The following BPNT2 variants were observed in gnomAD, a reference collection of about 807,000 sequenced individuals.
The protein encoded by BPNT2 is 3'(2'), 5'-bisphosphate nucleotidase 2.
In BPNT2, 11 loss-of-function variants were observed where a neutral mutation model predicts 29.3. That is an observed-to-expected ratio of 0.38 (90% CI 0.24 to 0.62). The LOEUF (loss-of-function observed/expected upper bound fraction) is 0.62, where lower values mean the gene tolerates loss of function less well. BPNT2 is among the 20% of genes least tolerant of loss of function. The probability of loss-of-function intolerance (pLI) is 0.62; values close to 1 mark genes in which losing one functional copy is unlikely to be tolerated. For missense variants in BPNT2, 459 were observed against 473.4 expected (o/e 0.97, Z 0.28); for synonymous variants, 195 against 187.7 (o/e 1.04, Z -0.32).
intron 1 of BPNT2, among the ~76,000 whole-genome samples, chr8:56,984,480 C>T (rs552603539): frequency 1.3e-5 from 2 of 152,268 alleles, no homozygotes; most frequent in East Asian, 3.9e-4. Context: ...AATTCTACCT[C>T]CCAATTCTAA....
intron 3 of BPNT2, 151 bp downstream of exon 3, chr8:56,977,898 TG>T: frequency 1.6e-6 from 1 of 645,006 alleles, no homozygotes; most frequent in East Asian, 2.7e-5. Context: ...ACTACATTTT[TG>T]TTGTTTAAGA....
intron 3 of BPNT2, among the ~76,000 whole-genome samples, chr8:56,976,706 G>A (rs80024985): frequency 0.014 from 2,059 of 152,200 alleles, 69 homozygotes; most frequent in African/African-American, 0.047. Flanking sequence ...TAATTTTAGA[G>A]TAATCAAAAA....
rs1805801312 is a variant in BPNT2 at position 56,959,886 on chromosome 8, T to A, written c.*3907A>T. On this transcript the variant is annotated 3_prime_UTR_variant, in exon 5 of 5. Coordinates refer to ENST00000262644, the MANE Select transcript of BPNT2 (RefSeq NM_017813.5). ...CTACTAAAAAGGTTGTTTTCCCTTA[T>A]TAACATACAATGCCCTATTGTTAAG... is the stretch of plus-strand genomic sequence containing the variant. 1 of 152,214 alleles carries A rather than the reference T, an allele frequency of 6.6e-6. No individual in the cohort carries two copies. The highest frequency in any genetic ancestry group is 1.5e-5 in the Non-Finnish European group (1 of 68,036). 9.4% of individuals were successfully genotyped at this position (152,214 alleles called of 1,614,324 possible).
At chr8:56,965,307 A>C (rs1805922613) in intron 4 of BPNT2, among the ~76,000 whole-genome samples, 1 of 152,228 alleles carries the variant, frequency 6.6e-6, no homozygotes, top group Admixed American at 6.5e-5. Flanking sequence ...AGACAGAATG[A>C]GACCCTATCT....
chr8:56,980,793 A>T (rs1010160647), intron 1 of BPNT2, among the ~76,000 whole-genome samples: 10 of 139,932 alleles, frequency 7.1e-5, no homozygotes, highest in Non-Finnish European at 1.1e-4. Context: ...TTCTCTCCTT[A>T]CCCCACACCC....
At position 56,963,672 on chromosome 8, in the gene BPNT2, A is replaced by G; in HGVS notation, c.*121T>C. ...AAAATAAGTCTCTGATGCTTCATAA[A>G]TACTTTAAAAAGTTCGGGATGGCCT... On this transcript the variant is annotated 3_prime_UTR_variant, in exon 5 of 5. Coordinates refer to ENST00000262644, the MANE Select transcript of BPNT2 (RefSeq NM_017813.5). The G allele has an allele frequency of 9.0e-7, 1 of 1,107,800 alleles. No homozygotes were observed. The highest frequency in any genetic ancestry group is 1.4e-6 in the Non-Finnish European group (1 of 739,866). The allele number at this position is 1,107,800 out of a possible 1,614,324, so 68.6% of individuals were successfully genotyped here.
intron 1 of BPNT2, 138 bp downstream of exon 1, chr8:56,993,060 CT>C (rs1295306254): frequency 1.3e-6 from 2 of 1,510,896 alleles, no homozygotes; most frequent in Non-Finnish European, 1.8e-6. Flanking sequence ...TCTGTCTGAC[CT>C]TGTGCACGTT....
chr8:56,993,164 C>G, intron 1 of BPNT2, 35 bp downstream of exon 1: 1 of 1,576,700 alleles, frequency 6.3e-7, no homozygotes, highest in South Asian at 1.1e-5. Context: ...ACGCGCTACC[C>G]GGCTCGAGTG....
chr8:56,968,312 T>G (rs536940717), intron 3 of BPNT2, among the ~76,000 whole-genome samples: 75 of 144,160 alleles, frequency 5.2e-4, no homozygotes, highest in African/African-American at 1.9e-3. Context: ...TCCAAAAGTA[T>G]AGCAAGCAAT....
rs111904807 is a variant in BPNT2 at position 56,979,942 on chromosome 8, G to C, written c.550+93C>G. On this transcript the variant is annotated intron_variant, in intron 2 of 4. Coordinates refer to ENST00000262644, the MANE Select transcript of BPNT2 (RefSeq NM_017813.5). ...AAAATGCTTCTTTACTGAACAATCAGTGAGCCACTATCACCTATAGGAAGT... is the reference window on the plus strand; with the variant it reads ...AAAATGCTTCTTTACTGAACAATCACTGAGCCACTATCACCTATAGGAAGT... The C allele has an allele frequency of 3.8e-3, 4,439 of 1,170,026 alleles. 11 individuals are homozygous for C. The highest frequency in any genetic ancestry group is 5.1e-3 in the Non-Finnish European group (3,960 of 784,096). The allele number at this position is 1,170,026 out of a possible 1,614,324, so 72.5% of individuals were successfully genotyped here. A position where few individuals can be genotyped will look rare whatever the true frequency, so the allele number is the denominator to read the frequency against.
Position 56,963,930 on chromosome 8 carries a change from T to G in BPNT2, c.943A>C (p.Met315Leu). 1 of 1,614,144 alleles carries G rather than the reference T, an allele frequency of 6.2e-7. No homozygotes were observed. The highest frequency in any genetic ancestry group is 8.5e-7 in the Non-Finnish European group (1 of 1,180,004). Residue 315 changes from methionine to leucine, a missense_variant, in exon 5 of 5, where the codon ATG (methionine) becomes CTG (leucine). By Grantham distance (15) the Met-to-Leu change is conservative. Coordinates refer to ENST00000262644, the MANE Select transcript of BPNT2 (RefSeq NM_017813.5). ...NAILKALGGH[M>L]TTLSGEEISY... ...ATTTCTTCACCACTCAGGGTAGTCATATGCCCCCCTAGGGCTTTTAAGATG... is the reference window on the plus strand; with the variant it reads ...ATTTCTTCACCACTCAGGGTAGTCAGATGCCCCCCTAGGGCTTTTAAGATG...
chr8:56,977,131 G>A (rs1475623523), intron 3 of BPNT2, among the ~76,000 whole-genome samples: 1 of 152,024 alleles, frequency 6.6e-6, no homozygotes, highest in African/African-American at 2.4e-5. Context: ...TTATATATAT[G>A]CAAATACATT....
intron 1 of BPNT2, among the ~76,000 whole-genome samples, chr8:56,986,438 A>T (rs1223542203): frequency 6.6e-6 from 1 of 152,202 alleles, no homozygotes; most frequent in Non-Finnish European, 1.5e-5. Flanking sequence ...GAGGACAGAA[A>T]ATGTTTAATC....
At position 56,993,223 on chromosome 8, in the gene BPNT2, G is replaced by A. The variant is rs1806447682; in HGVS notation, c.363C>T (p.Leu121=). 1 of 1,603,814 alleles carries A rather than the reference G, an allele frequency of 6.2e-7. No individual in the cohort carries two copies. Among genetic ancestry groups the A allele is most frequent in the African/African-American group, 1.3e-5 (1 of 75,044 alleles). The change falls in exon 1 of 5, where the codon CTC becomes CTT. Residue 121 remains leucine (L), a synonymous_variant. Transcript: ENST00000262644. ...CCTGGACGCTGGGGAAGGCGGTCTT[G>A]AGCAGGTAGAACATCTTGCGGTTGG... ...VLSNRKMFYL[L]KTAFPSVQIN...
Position 56,993,362 on chromosome 8 carries a change from A to G in BPNT2, c.224T>C (p.Val75Ala), listed in dbSNP as rs1280894970. 2 of 1,609,728 alleles carry G rather than the reference A, an allele frequency of 1.2e-6. No homozygotes were observed. The highest frequency in any genetic ancestry group is 1.7e-6 in the Non-Finnish European group (2 of 1,179,726). The change falls in exon 1 of 5, where the codon GTC becomes GCC. Residue 75 changes from valine to alanine, a missense_variant. Physicochemically the swap from Val to Ala is moderately conservative, Grantham distance 64. Transcript: ENST00000262644. The part of the protein sequence containing the change: ...EMLAVSVLAA[V>A]RGGDEVRRVR... ...GCGCCTCACCTCGTCGCCGCCGCGG[A>G]CTGCGGCCAGCACTGACACAGCCAG...
chr8:56,975,934 CCT>C (rs1320802743), intron 3 of BPNT2, among the ~76,000 whole-genome samples: 2 of 151,942 alleles, frequency 1.3e-5, no homozygotes, highest in African/African-American at 4.8e-5. Flanking sequence ...TAACTGTGTC[CCT>C]CTCTCTGTGT....
intron 3 of BPNT2, among the ~76,000 whole-genome samples, chr8:56,973,469 T>C (rs1806070473): frequency 1.3e-5 from 2 of 152,196 alleles, no homozygotes; most frequent in South Asian, 4.1e-4. Flanking sequence ...AAATAATAAG[T>C]TCCTGCTGGA....
At chr8:56,986,235 G>A (rs1414157729) in intron 1 of BPNT2, among the ~76,000 whole-genome samples, 1 of 152,084 alleles carries the variant, frequency 6.6e-6, no homozygotes, top group Non-Finnish European at 1.5e-5. Context: ...CCTTGCATCA[G>A]GAACTCTGAG....
At chr8:56,977,185 T>C (rs75398945) in intron 3 of BPNT2, among the ~76,000 whole-genome samples, 494 of 152,340 alleles carry the variant, frequency 3.2e-3, no homozygotes, top group African/African-American at 0.011. Flanking sequence ...ACGTTTCAGA[T>C]AATGGATACT....
Sources: allele counts gnomAD v4.1 joint callset (sites outside exome capture counted in the v4.1 genomes callset), GRCh38; gene constraint gnomAD v4.1.1; transcripts MANE v1.5; gene names NCBI Gene and HGNC (gene_info 2026-07-23, HGNC 2026-07-21).